Variants in SRCIN1 observed in about 807,000 individuals in gnomAD.
SRCIN1 encodes the protein SRC kinase signaling inhibitor 1.
A neutral mutation model predicts 116.2 loss-of-function variants in SRCIN1; 50 were observed. The observed-to-expected ratio is 0.43, with a 90% CI of 0.34 to 0.54. The LOEUF (loss-of-function observed/expected upper bound fraction) is 0.54. SRCIN1 is among the 20% of genes least tolerant of loss of function. SRCIN1 has a pLI of 0.02. For synonymous variants in SRCIN1, 736 were observed against 750.0 expected (o/e 0.98, Z 0.30); for missense variants, 1,446 against 1,672.0 (o/e 0.86, Z 2.36).
At chr17:38,551,465 C>A in intron 14 of SRCIN1, 76 bp from the exon 15 acceptor site, 4 of 1,263,544 alleles carry the variant, frequency 3.2e-6, no homozygotes, top group Non-Finnish European at 4.4e-6. Context: ...CCTCCTCCCC[C>A]AAGCCACGTA....
chr17:38,542,231 G>A (rs1196905308), intron 18 of SRCIN1: 1 of 153,666 alleles, frequency 6.5e-6, no homozygotes, highest in Non-Finnish European at 1.5e-5. Flanking sequence ...GGACTAGGGT[G>A]GGAAACAGTG....
rs184456128 is a variant in SRCIN1 at position 38,559,323 on chromosome 17, G to A, written c.2025+262C>T. On this transcript the variant is annotated intron_variant, in intron 10 of 18. Coordinates refer to ENST00000617146, the MANE Select transcript of SRCIN1 (RefSeq NM_025248.3). ...TCCAGGAGGGCGATGGGGACTCAGG[G>A]AAGGAGAAGGAGGGCTCAATGAGGG... 25 of 538,970 alleles carry A rather than the reference G, an allele frequency of 4.6e-5. No homozygotes were observed. The South Asian group carries it at 5.0e-4, about 11-fold the overall frequency. 33.4% of individuals were successfully genotyped at this position (538,970 alleles called of 1,614,324 possible). A position where few individuals can be genotyped will look rare whatever the true frequency, so the allele number is the denominator to read the frequency against.
intron 11 of SRCIN1, among the ~76,000 whole-genome samples, chr17:38,553,298 T>G (rs1905567743): frequency 2.0e-5 from 3 of 152,120 alleles, no homozygotes; most frequent in African/African-American, 7.2e-5. Context: ...GGCCACATAC[T>G]CAAGTAAAAT....
At chr17:38,548,491 G>T in intron 17 of SRCIN1, 66 bp downstream of exon 17, 2 of 1,582,920 alleles carry the variant, frequency 1.3e-6, no homozygotes, top group Non-Finnish European at 1.7e-6. Flanking sequence ...CACCTGGCCT[G>T]GGGGGCAGCC....
Position 38,568,114 on chromosome 17 carries a change from T to A in SRCIN1, c.345+97A>T, listed in dbSNP as rs977290301. On this transcript the variant is annotated intron_variant, in intron 3 of 18. Coordinates refer to ENST00000617146, the MANE Select transcript of SRCIN1 (RefSeq NM_025248.3). This position sits in a 1 kb window ranked among gnomAD's most constrained non-coding sequence, Gnocchi z 4.5. ...CCATACCAGAAGGTGTCCGTGCAGA[T>A]GCGCACCCCGGTGCAAAGCCTGTGC... 3 of 1,459,298 alleles carry A rather than the reference T, an allele frequency of 2.1e-6. No homozygotes were observed. The highest frequency in any genetic ancestry group is 2.9e-6 in the Non-Finnish European group (3 of 1,050,888). 90.4% of individuals were successfully genotyped at this position (1,459,298 alleles called of 1,614,324 possible). A position where few individuals can be genotyped will look rare whatever the true frequency, so the allele number is the denominator to read the frequency against.
chr17:38,571,703 GC>G (rs1456499711), intron 2 of SRCIN1, among the ~76,000 whole-genome samples: 1 of 152,252 alleles, frequency 6.6e-6, no homozygotes, highest in Non-Finnish European at 1.5e-5. Flanking sequence ...TCTTAAAGGA[GC>G]TGGGGCAAAA....
Position 38,559,903 on chromosome 17 carries a change from A to C in SRCIN1, c.1838-131T>G. The C allele has an allele frequency of 8.0e-6, 11 of 1,368,906 alleles. No individual in the cohort carries two copies. In the South Asian group the frequency reaches 1.5e-4, roughly 18 times the overall value. 84.8% of individuals were successfully genotyped at this position (1,368,906 alleles called of 1,614,324 possible). A position where few individuals can be genotyped will look rare whatever the true frequency, so the allele number is the denominator to read the frequency against. Reference sequence around the variant, plus strand: ...AGAAGCCCGTGGCTCTACCTGCCCCAAGTGGTCAGCCCTAACGGTGGGGAC... The same window carrying C: ...AGAAGCCCGTGGCTCTACCTGCCCCCAGTGGTCAGCCCTAACGGTGGGGAC... On this transcript the variant is annotated intron_variant, in intron 9 of 18. Transcript: ENST00000617146.
At chr17:38,570,412 TGA>T (rs1478508484) in intron 2 of SRCIN1, among the ~76,000 whole-genome samples, 1 of 152,002 alleles carries the variant, frequency 6.6e-6, no homozygotes, top group African/African-American at 2.4e-5. Flanking sequence ...CCACTCACAG[TGA>T]GAGACACACA....
At chr17:38,550,249 C>T (rs1357086943) in intron 15 of SRCIN1, among the ~76,000 whole-genome samples, 1 of 151,932 alleles carries the variant, frequency 6.6e-6, no homozygotes, top group Non-Finnish European at 1.5e-5. Context: ...AATCCCAGCA[C>T]TTTGGGAGGC....
At chr17:38,545,024 A>C (rs1904995462) in intron 17 of SRCIN1, 1 of 152,690 alleles carries the variant, frequency 6.5e-6, no homozygotes, top group Admixed American at 6.5e-5. Flanking sequence ...GTGCGGCCTG[A>C]GTTGGCAGCA....
At chr17:38,533,486 T>A in intron 18 of SRCIN1, 55 bp from the exon 19 acceptor site, 2 of 1,509,658 alleles carry the variant, frequency 1.3e-6, no homozygotes, top group East Asian at 4.8e-5. Context: ...GCCTCCATGC[T>A]GGCCCCCAGC....
Position 38,563,279 on chromosome 17 carries a change from G to A in SRCIN1, c.740+44C>T, listed in dbSNP as rs772038151. The A allele has an allele frequency of 1.7e-5, 26 of 1,548,682 alleles. No homozygotes were observed. In the South Asian group the frequency reaches 2.7e-4, roughly 16 times the overall value. Reference sequence around the variant, plus strand: ...CGGGGTCCAGCACCCTGCAGAGGAGGAGCGTGGGGAAGCCCACCCAAATCC... The same window carrying A: ...CGGGGTCCAGCACCCTGCAGAGGAGAAGCGTGGGGAAGCCCACCCAAATCC... On this transcript the variant is annotated intron_variant, in intron 5 of 18. Coordinates refer to ENST00000617146, the MANE Select transcript of SRCIN1 (RefSeq NM_025248.3). This position sits in a 1 kb window ranked among gnomAD's most constrained non-coding sequence, Gnocchi z 5.8.
intron 18 of SRCIN1, among the ~76,000 whole-genome samples, chr17:38,537,887 G>A (rs995709177): frequency 4.0e-5 from 6 of 151,804 alleles, no homozygotes; most frequent in African/African-American, 1.2e-4. Context: ...GGATCACAAG[G>A]TCGGGAGTTC....
rs549241616 is a variant in SRCIN1, at chr17:38,603,350, T to C, written c.22+2334A>G. ...ATGAGGCCACGAAGACCCCAGACCC[T>C]CCGCATTAGGCAAGGAGGCAAGTAG... On this transcript the variant is annotated intron_variant, in intron 1 of 18. Transcript: ENST00000617146. Among the ~76,000 whole-genome samples the C allele has an allele frequency of 2.0e-5, 3 of 150,178 alleles. No homozygotes were observed. In the South Asian group the frequency reaches 6.4e-4, roughly 32 times the overall value.
At chr17:38,588,069 A>T (rs1260142511) in intron 1 of SRCIN1, among the ~76,000 whole-genome samples, 1 of 151,944 alleles carries the variant, frequency 6.6e-6, no homozygotes, top group African/African-American at 2.4e-5. Context: ...AAAAAAAAAA[A>T]AAAGGAAGAA....
At chr17:38,593,261 T>C (rs7208759) in intron 1 of SRCIN1, among the ~76,000 whole-genome samples, 17,484 of 151,976 alleles carry the variant, frequency 0.12, 1,852 homozygotes, top group African/African-American at 0.28. Context: ...AGACCCAAGG[T>C]GAGCTGCTGG....
intron 18 of SRCIN1, among the ~76,000 whole-genome samples, 185 bp downstream of exon 18, chr17:38,543,638 G>A (rs1403133690): frequency 1.3e-5 from 2 of 152,188 alleles, no homozygotes; most frequent in South Asian, 2.1e-4. Flanking sequence ...CCAAAGCTCC[G>A]GGATCGGGAG....
intron 1 of SRCIN1, among the ~76,000 whole-genome samples, chr17:38,599,500 A>G (rs1908903985): frequency 6.6e-6 from 1 of 152,122 alleles, no homozygotes; most frequent in Non-Finnish European, 1.5e-5. Flanking sequence ...TAGGTCCAAC[A>G]CTAGTCTACG....
In SRCIN1 at chr17:38,568,277, A is replaced by G; in HGVS notation, c.325-46T>C. On this transcript the variant is annotated intron_variant, in intron 2 of 18. Transcript: ENST00000617146. This position sits in a 1 kb window ranked among gnomAD's most constrained non-coding sequence, Gnocchi z 4.5. The stretch of plus-strand genomic sequence containing the variant: ...AGAGATGGTTATGAGGGGGCCCAGG[A>G]GGGGAAAAGAGGGGCAGGGGCAGGT... The G allele has an allele frequency of 1.3e-6, 2 of 1,597,180 alleles. No individual in the cohort carries two copies. Among genetic ancestry groups the G allele is most frequent in the South Asian group, 1.1e-5 (1 of 88,928 alleles).
Sources: gnomAD v4.1 joint callset for allele counts (sites outside exome capture counted in the v4.1 genomes callset) on GRCh38, gnomAD v4.1.1 for gene constraint, Gnocchi (gnomAD v3.1) non-coding constraint, MANE v1.5 for transcripts, NCBI Gene and HGNC (gene_info 2026-07-23, HGNC 2026-07-21) for gene names.